The following CDH8 variants were observed in gnomAD, a reference collection of about 807,000 sequenced individuals.
CDH8 encodes cadherin 8, also known as cadherin-8.
CDH8 carries 17 observed loss-of-function variants against 68.1 expected under a neutral mutation model. The ratio of observed to expected loss-of-function variants is 0.25; its 90% CI spans 0.17 to 0.37. The LOEUF (loss-of-function observed/expected upper bound fraction) is 0.37, where lower values mean the gene tolerates loss of function less well. CDH8 is among the 10% of genes least tolerant of loss of function. The pLI is 1.00. For missense variants in CDH8, 763 were observed against 999.3 expected (o/e 0.76, Z 3.19); for synonymous variants, 372 against 365.1 (o/e 1.02, Z -0.21).
chr16:62,001,984 G>A (rs10163458), intron 2 of CDH8, among the ~76,000 whole-genome samples: 5,872 of 152,150 alleles, frequency 0.039, 376 homozygotes, highest in African/African-American at 0.13. Context: ...TAAAGAGTGA[G>A]TAGCCCACTA....
At chr16:61,658,298 G>GT (rs1344415404) in intron 10 of CDH8, among the ~76,000 whole-genome samples, 2 of 151,906 alleles carry the variant, frequency 1.3e-5, no homozygotes, top group African/African-American at 4.8e-5. Flanking sequence ...GGTTTCTGCT[G>GT]TAACACTCAT....
intron 2 of CDH8, among the ~76,000 whole-genome samples, chr16:61,971,894 G>T (rs1965346320): frequency 6.6e-6 from 1 of 152,146 alleles, no homozygotes; most frequent in Non-Finnish European, 1.5e-5. Flanking sequence ...TCAAAACAAA[G>T]CAGTAAGAAT....
At chr16:61,798,577 T>G (rs1961549839) in intron 7 of CDH8, among the ~76,000 whole-genome samples, 1 of 152,212 alleles carries the variant, frequency 6.6e-6, no homozygotes, top group Non-Finnish European at 1.5e-5. Context: ...GGCCACAATA[T>G]CAAACAGCAC....
At chr16:62,010,676 C>T (rs938900874) in intron 2 of CDH8, among the ~76,000 whole-genome samples, 2 of 152,124 alleles carry the variant, frequency 1.3e-5, no homozygotes, top group Admixed American at 6.6e-5. Context: ...CGGTGGCTCA[C>T]GCCTGAAATC....
chr16:61,723,678 G>C (rs774812767), intron 9 of CDH8, among the ~76,000 whole-genome samples: 2 of 150,720 alleles, frequency 1.3e-5, no homozygotes, highest in Admixed American at 6.6e-5. Context: ...CTGGAACATA[G>C]TTGGTGCTCA....
chr16:61,907,596 C>T (rs1964083702), intron 2 of CDH8, among the ~76,000 whole-genome samples: 1 of 151,514 alleles, frequency 6.6e-6, no homozygotes, highest in Non-Finnish European at 1.5e-5. Context: ...GGGAAGATCA[C>T]GTGAGCCTGG....
At chr16:61,922,471 G>A (rs1964385339) in intron 2 of CDH8, among the ~76,000 whole-genome samples, 1 of 152,048 alleles carries the variant, frequency 6.6e-6, no homozygotes, top group Admixed American at 6.6e-5. Context: ...AGAGAACTAT[G>A]CTACACCTGA....
chr16:61,707,469 C>T (rs969132870), intron 10 of CDH8, among the ~76,000 whole-genome samples: 1 of 152,052 alleles, frequency 6.6e-6, no homozygotes, highest in African/African-American at 2.4e-5. Flanking sequence ...TCCATAGTGT[C>T]TCTCCCTTAT....
intron 7 of CDH8, among the ~76,000 whole-genome samples, chr16:61,794,956 C>T (rs901897638): frequency 2.0e-5 from 3 of 151,944 alleles, no homozygotes; most frequent in Non-Finnish European, 4.4e-5. Context: ...TCCTCCCCAC[C>T]CCCATACCAC....
At position 62,018,710 on chromosome 16, in the gene CDH8, A is replaced by G. The variant is rs539300623; in HGVS notation, c.252+2442T>C. Among the ~76,000 whole-genome samples, 4 of 152,318 alleles carry G rather than the reference A, an allele frequency of 2.6e-5. No individual in the cohort carries two copies. The South Asian group carries it at 6.2e-4, about 24-fold the overall frequency. ...TCCAGAAAATAAACTCTGACTTAAC[A>G]ATTGTTTGGGAATTGGTCATGGTAG... On this transcript the variant is annotated intron_variant, in intron 2 of 11. Coordinates refer to ENST00000577390, the MANE Select transcript of CDH8 (RefSeq NM_001796.5).
intron 8 of CDH8, among the ~76,000 whole-genome samples, chr16:61,769,298 A>G (rs145900420): frequency 2.0e-5 from 3 of 151,938 alleles, no homozygotes; most frequent in Non-Finnish European, 2.9e-5. Flanking sequence ...TTCTCCCCCA[A>G]TATGTTTCAA....
At chr16:61,912,090 G>A (rs761732312) in intron 2 of CDH8, among the ~76,000 whole-genome samples, 1 of 151,944 alleles carries the variant, frequency 6.6e-6, no homozygotes, top group Non-Finnish European at 1.5e-5. Context: ...ACTCAAATAA[G>A]TGACAATAGC....
chr16:61,727,141 C>A lies in CDH8; in HGVS notation c.1489G>T (p.Ala497Ser), dbSNP rs746683292. ...LDVNDNAPEF[A>S]SEYEAFLCEN... ...CATAAAAATGCCTCATATTCGGATG[C>A]GAATTCAGGGGCGTTGTCATTGACA... The change falls in exon 9 of 12, where the codon GCA becomes TCA. Residue 497 changes from alanine (A) to serine (S), a missense_variant. Ala to Ser is a moderately conservative substitution (Grantham distance 99). Transcript: ENST00000577390. 2.5e-6 allele frequency: 4 copies of A among 1,610,378 alleles called. No homozygotes were observed. The highest frequency in any genetic ancestry group is 2.5e-6 in the Non-Finnish European group (3 of 1,177,646).
intron 2 of CDH8, among the ~76,000 whole-genome samples, chr16:61,986,616 T>A (rs1227008140): frequency 6.6e-6 from 1 of 152,172 alleles, no homozygotes; most frequent in East Asian, 1.9e-4. Flanking sequence ...ACTGGAGATA[T>A]GTGTCCAAGC....
chr16:61,964,489 CATG>C (rs1420917298), intron 2 of CDH8, among the ~76,000 whole-genome samples: 6 of 151,902 alleles, frequency 3.9e-5, no homozygotes, highest in Non-Finnish European at 7.4e-5. Context: ...CCCAGGCATA[CATG>C]ATGAGAACGT....
At chr16:61,700,279 T>TG (rs142950340) in intron 10 of CDH8, among the ~76,000 whole-genome samples, 2 of 132,786 alleles carry the variant, frequency 1.5e-5, no homozygotes, top group African/African-American at 5.5e-5. Flanking sequence ...TTTTTAGTTG[T>TG]TTTTTTTTTT....
At chr16:62,010,187 T>C (rs1901772903) in intron 2 of CDH8, among the ~76,000 whole-genome samples, 1 of 152,200 alleles carries the variant, frequency 6.6e-6, no homozygotes, top group Non-Finnish European at 1.5e-5. Flanking sequence ...GTGCAAAAAA[T>C]ATGTGTGGTG....
In CDH8 at chr16:61,707,288, C is replaced by T. The variant is rs115082686; in HGVS notation, c.1654+6553G>A. ...AATTTGTCAGTCAATGAATTTTGTA[C>T]ATCATTTAAATTTTTTACTTAATAT... On this transcript the variant is annotated intron_variant, in intron 10 of 11. Coordinates refer to ENST00000577390, the MANE Select transcript of CDH8 (RefSeq NM_001796.5). Among the ~76,000 whole-genome samples the T allele has an allele frequency of 9.3e-3, 1,419 of 152,264 alleles. 25 individuals are homozygous for T. Among genetic ancestry groups the T allele is most frequent in the African/African-American group, 0.032 (1,346 of 41,550 alleles).
chr16:61,813,185 G>T (rs1961991030), intron 7 of CDH8, among the ~76,000 whole-genome samples: 2 of 152,092 alleles, frequency 1.3e-5, no homozygotes. Context: ...GTCATTTAGA[G>T]AATGAATAGT....
Sources: allele counts gnomAD v4.1 joint callset (sites outside exome capture counted in the v4.1 genomes callset), GRCh38; gene constraint gnomAD v4.1.1; transcripts MANE v1.5; gene names NCBI Gene and HGNC (gene_info 2026-07-23, HGNC 2026-07-21).